The following DBX2 variants were observed in gnomAD, a reference collection of about 807,000 sequenced individuals.
DBX2 encodes homeobox protein DBX2.
DBX2 carries 16 observed loss-of-function variants against 17.7 expected under a neutral mutation model. The ratio of observed to expected loss-of-function variants is 0.90; its 90% CI spans 0.61 to 1.37. DBX2 has a LOEUF of 1.37. DBX2 is among the 40% of genes most tolerant of loss of function. DBX2 has a pLI of 0.00. For synonymous variants in DBX2, 255 were observed against 183.8 expected, an observed-to-expected ratio of 1.39 and a Z score of -3.13; for missense variants, 538 against 433.8, an observed-to-expected ratio of 1.24 and a Z score of -2.13.
chr12:45,030,487 T>C lies in DBX2; in HGVS notation c.499+5532A>G, dbSNP rs180692278. ...TCACCTATTGCTTCGAGAAGCTCTA[T>C]AAAGGCTTCTGGATCATGCATGTCC... On this transcript the variant is annotated intron_variant, in intron 2 of 3. Transcript: ENST00000332700. 2.0e-4 allele frequency among the ~76,000 whole-genome samples: 31 copies of C among 152,352 alleles called. No individual in the cohort carries two copies. The East Asian group carries it at 5.4e-3, about 27-fold the overall frequency.
At chr12:45,046,913 A>G (rs918277542) in intron 1 of DBX2, among the ~76,000 whole-genome samples, 3 of 152,214 alleles carry the variant, frequency 2.0e-5, no homozygotes, top group African/African-American at 7.2e-5. Flanking sequence ...CAATTCACCT[A>G]TCCAGAATGA....
chr12:45,027,901 A>G (rs886473530), intron 2 of DBX2, among the ~76,000 whole-genome samples: 1 of 152,222 alleles, frequency 6.6e-6, no homozygotes, highest in Admixed American at 6.5e-5. Flanking sequence ...TCGATAAGAA[A>G]AAGTCCAAGA....
chr12:45,023,572 C>G, intron 3 of DBX2, 135 bp downstream of exon 3: 1 of 1,062,614 alleles, frequency 9.4e-7, no homozygotes, highest in Admixed American at 2.4e-5. Flanking sequence ...GAAATATTTG[C>G]TAAATAAATG....
rs1269167097 is a variant in DBX2, at chr12:45,051,079, CG to C, written c.-153del. On this transcript the variant is annotated 5_prime_UTR_variant, in exon 1 of 4. Transcript: ENST00000332700. Reference sequence around the variant, plus strand: ...GGCAGGGAGGAAAGGCCACCCGGGACGGCGGCGGACTTGGAACGATATTATT... The same window carrying C: ...GGCAGGGAGGAAAGGCCACCCGGGACGCGGCGGACTTGGAACGATATTATT... 4 of 847,166 alleles carry C rather than the reference CG, an allele frequency of 4.7e-6. No homozygotes were observed. The highest frequency in any genetic ancestry group is 6.4e-6 in the Non-Finnish European group (4 of 628,612). 52.5% of individuals were successfully genotyped at this position (847,166 alleles called of 1,614,324 possible).
At chr12:45,036,991 G>A (rs1946444491) in intron 1 of DBX2, among the ~76,000 whole-genome samples, 1 of 152,128 alleles carries the variant, frequency 6.6e-6, no homozygotes, top group Non-Finnish European at 1.5e-5. Flanking sequence ...CTGTGCAAAA[G>A]TATGAAAGAG....
intron 2 of DBX2, among the ~76,000 whole-genome samples, chr12:45,029,049 C>A (rs1039426168): frequency 6.6e-6 from 1 of 152,170 alleles, no homozygotes; most frequent in Non-Finnish European, 1.5e-5. Context: ...CATTTTCATA[C>A]CTTCTAAACA....
rs2731039 is a variant in DBX2, at chr12:45,023,444, G to C, written c.687+263C>G. Among the ~76,000 whole-genome samples the C allele has an allele frequency of 0.63, 96,467 of 152,082 alleles. 31,040 individuals carry two copies. Among genetic ancestry groups the C allele is most frequent in the South Asian group, 0.84 (4,041 of 4,828 alleles). On this transcript the variant is annotated intron_variant, in intron 3 of 3. Coordinates refer to ENST00000332700, the MANE Select transcript of DBX2 (RefSeq NM_001004329.3). ...AAAGTACTAGAATGGCAAAAACCTA[G>C]ACCTCTCAGCAAATGGACCTATTTC...
chr12:45,049,292 T>G (rs1946516310), intron 1 of DBX2, among the ~76,000 whole-genome samples: 1 of 152,232 alleles, frequency 6.6e-6, no homozygotes. Flanking sequence ...CTCTTCCAAG[T>G]GAATCTGCTT....
intron 1 of DBX2, among the ~76,000 whole-genome samples, chr12:45,037,492 T>C (rs1744437983): frequency 6.6e-6 from 1 of 152,156 alleles, no homozygotes; most frequent in South Asian, 2.1e-4. Context: ...TCCTAAAACA[T>C]GGTGTCTCTC....
intron 1 of DBX2, among the ~76,000 whole-genome samples, chr12:45,042,101 C>T (rs1031308684): frequency 1.3e-5 from 2 of 152,020 alleles, no homozygotes; most frequent in Non-Finnish European, 2.9e-5. Context: ...ACTGGACACC[C>T]GCATAACATT....
intron 1 of DBX2, among the ~76,000 whole-genome samples, chr12:45,039,277 GTA>G (rs58371508): frequency 0.06 from 5,258 of 88,216 alleles, 36 homozygotes; most frequent in Non-Finnish European, 0.077. Context: ...TGCATTGAAG[GTA>G]TATATATATA....
Position 45,016,305 on chromosome 12 carries a change from A to T in DBX2, c.1001T>A (p.Val334Glu), listed in dbSNP as rs1946322844. 1.3e-6 allele frequency: 2 copies of T among 1,583,266 alleles called. No homozygotes were observed. Among genetic ancestry groups the T allele is most frequent in the South Asian group, 2.4e-5 (2 of 84,418 alleles). Residue 334 changes from valine to glutamate, a missense_variant, in exon 4 of 4, where the codon GTA (valine) becomes GAA (glutamate). By Grantham distance (121) the Val-to-Glu change is moderately radical (BLOSUM62 -2). Transcript: ENST00000332700. Reference protein sequence around the residue: ...CSEEEAGSKGVLTGAV With the variant: ...CSEEEAGSKGELTGAV ...TTCCATTCAGACAGCCCCAGTAAGT[A>T]CACCCTTGCTTCCAGCTTCTTCTTC...
At chr12:45,044,818 T>C (rs942818582) in intron 1 of DBX2, among the ~76,000 whole-genome samples, 1 of 152,086 alleles carries the variant, frequency 6.6e-6, no homozygotes, top group Non-Finnish European at 1.5e-5. Flanking sequence ...ACAAAATGAA[T>C]AATCCTATTA....
At chr12:45,022,047 C>T (rs1373164796) in intron 3 of DBX2, among the ~76,000 whole-genome samples, 5 of 152,126 alleles carry the variant, frequency 3.3e-5, no homozygotes, top group African/African-American at 1.2e-4. Flanking sequence ...ATACACAAAA[C>T]TGCTTTGTGA....
intron 1 of DBX2, among the ~76,000 whole-genome samples, chr12:45,041,623 G>GTTTTAAAGACAGAAAAACA (rs1183855923): frequency 6.6e-6 from 1 of 152,128 alleles, no homozygotes; most frequent in Non-Finnish European, 1.5e-5. Context: ...CCTCAAAAGT[G>GTTTTAAAGACAGAAAAACA]TTTTAAAGAC....
chr12:45,038,497 T>A (rs1946452292), intron 1 of DBX2, among the ~76,000 whole-genome samples: 1 of 151,396 alleles, frequency 6.6e-6, no homozygotes, highest in East Asian at 1.9e-4. Flanking sequence ...GCAATATGTA[T>A]GCAATATGTG....
chr12:45,049,342 GC>G (rs1295512858), intron 1 of DBX2, among the ~76,000 whole-genome samples: 1 of 152,120 alleles, frequency 6.6e-6, no homozygotes, highest in East Asian at 1.9e-4. Context: ...GAACAGAGAG[GC>G]CCAAATTTCC....
chr12:45,035,006 G>A (rs1371599209), intron 2 of DBX2, among the ~76,000 whole-genome samples: 7 of 152,238 alleles, frequency 4.6e-5, no homozygotes, highest in African/African-American at 1.7e-4. Context: ...CATGTAAAGT[G>A]CTCTGTGGGA....
intron 1 of DBX2, among the ~76,000 whole-genome samples, chr12:45,046,345 A>T (rs769714865): frequency 2.2e-4 from 34 of 152,270 alleles, no homozygotes; most frequent in Middle Eastern, 6.8e-3. Flanking sequence ...CCACCAAAGG[A>T]TGACTGGAGT....
Sources: gnomAD v4.1 joint callset for allele counts (sites outside exome capture counted in the v4.1 genomes callset) on GRCh38, gnomAD v4.1.1 for gene constraint, MANE v1.5 for transcripts, NCBI Gene and HGNC (gene_info 2026-07-23, HGNC 2026-07-21) for gene names.